MYOM2: variants seen among roughly 807,000 people sequenced by gnomAD.
The protein encoded by MYOM2 is myomesin-2.
In MYOM2, 254 loss-of-function variants were observed where a neutral mutation model predicts 187.6. The observed-to-expected ratio is 1.35, with a 90% CI of 1.22 to 1.50. The LOEUF (loss-of-function observed/expected upper bound fraction) is 1.50. Among genes scored for constraint, MYOM2 ranks in the 40% most tolerant of loss-of-function variants. The pLI is 0.00. For synonymous variants in MYOM2, 981 were observed against 753.8 expected (o/e 1.30, Z -4.94); for missense variants, 2,796 against 1,924.0 (o/e 1.45, Z -8.48).
intron 6 of MYOM2, among the ~76,000 whole-genome samples, chr8:2,066,085 T>C (rs1819010221): frequency 6.6e-6 from 1 of 152,178 alleles, no homozygotes; most frequent in Admixed American, 6.5e-5. Flanking sequence ...CGTTCACCCT[T>C]CCTCACTGAG....
chr8:2,110,650 T>C (rs1309076953), intron 25 of MYOM2, among the ~76,000 whole-genome samples: 1 of 152,106 alleles, frequency 6.6e-6, no homozygotes, highest in Non-Finnish European at 1.5e-5. Flanking sequence ...CTTAGCTGTG[T>C]ACTAAGTCCT....
At chr8:2,078,621 C>G (rs376993376) in intron 11 of MYOM2, 113 bp from the exon 12 acceptor site, 2 of 930,852 alleles carry the variant, frequency 2.1e-6, no homozygotes, top group Admixed American at 2.1e-5. Flanking sequence ...ATTTTACTGG[C>G]GTGAGATATT....
rs563302887 is a variant in MYOM2, at chr8:2,091,609, C to G, written c.1829-737C>G. ...TGAGAAAGCCAGATACGGAAATGAACAAGGTCACGAGGCCGGCTGCCTCCA... is the reference window on the plus strand; with the variant it reads ...TGAGAAAGCCAGATACGGAAATGAAGAAGGTCACGAGGCCGGCTGCCTCCA... On this transcript the variant is annotated intron_variant, in intron 15 of 36. Transcript: ENST00000262113. Among the ~76,000 whole-genome samples, 1,368 of 152,272 alleles carry G rather than the reference C, an allele frequency of 9.0e-3. 10 individuals are homozygous for G. Among genetic ancestry groups the G allele is most frequent in the Non-Finnish European group, 0.014 (934 of 68,006 alleles).
chr8:2,057,336 C>T lies in MYOM2; in HGVS notation c.264-12C>T, dbSNP rs376598342. On this transcript the variant is annotated splice_polypyrimidine_tract_variant and intron_variant, in intron 3 of 36. Transcript: ENST00000262113. ...GACTCCTGCAACTGAGGCTGCTTCT[C>T]GGCTCCTGCAGGTACCAGTCCCTGG... 47 of 1,587,756 alleles carry T rather than the reference C, an allele frequency of 3.0e-5. No individual in the cohort carries two copies. Among genetic ancestry groups the T allele is most frequent in the African/African-American group, 9.5e-5 (7 of 73,778 alleles).
intron 25 of MYOM2, among the ~76,000 whole-genome samples, chr8:2,111,954 G>A (rs972521306): frequency 6.6e-6 from 1 of 152,162 alleles, no homozygotes; most frequent in Non-Finnish European, 1.5e-5. Context: ...TGATTTTTGT[G>A]TTTATGGGAA....
chr8:2,136,721 T>C (rs1302463278), intron 32 of MYOM2, among the ~76,000 whole-genome samples: 1 of 152,216 alleles, frequency 6.6e-6, no homozygotes, highest in Non-Finnish European at 1.5e-5. Flanking sequence ...AGCTATTTTA[T>C]GAATGATCGC....
chr8:2,070,611 C>T (rs1347628656), intron 8 of MYOM2, among the ~76,000 whole-genome samples: 6 of 137,264 alleles, frequency 4.4e-5, no homozygotes, highest in Non-Finnish European at 1.0e-4. Flanking sequence ...CTGGTCCCAT[C>T]CCGGGGTTTC....
chr8:2,106,366 T>G lies in MYOM2; in HGVS notation c.2859T>G (p.Asp953Glu). Reference protein sequence around the residue: ...WCKSYEEISDDERFKIETVGD... With the variant: ...WCKSYEEISDEERFKIETVGD... ...AATCCTACGAGGAGATTTCAGATGA[T>G]GAGAGGTTTAAAATTGAAACCGTGG... is the stretch of plus-strand genomic sequence containing the variant. The change falls in exon 22 of 37, where the codon GAT becomes GAG. Residue 953 changes from aspartate to glutamate, a missense_variant. Transcript: ENST00000262113. 6.2e-7 allele frequency: 1 copy of G among 1,614,148 alleles called. No individual in the cohort carries two copies. The highest frequency in any genetic ancestry group is 8.5e-7 in the Non-Finnish European group (1 of 1,180,010).
At chr8:2,073,782 G>T (rs1436766356) in intron 10 of MYOM2, among the ~76,000 whole-genome samples, 1 of 152,196 alleles carries the variant, frequency 6.6e-6, no homozygotes, top group Non-Finnish European at 1.5e-5. Flanking sequence ...TTTGAAAAAC[G>T]ATTCCCAAGA....
At position 2,098,855 on chromosome 8, in the gene MYOM2, A is replaced by G. The variant is rs1286136589; in HGVS notation, c.2314-2A>G. On this transcript the variant is annotated splice_acceptor_variant, in intron 18 of 36. Coordinates refer to ENST00000262113, the MANE Select transcript of MYOM2 (RefSeq NM_003970.4). LOFTEE classifies it high-confidence loss of function. Reference sequence around the variant, plus strand: ...GTATTAATTTAAACAAAATCTGAATAGGTGGACGGCTTGACGGAAGGCTCA... The same window carrying G: ...GTATTAATTTAAACAAAATCTGAATGGGTGGACGGCTTGACGGAAGGCTCA... 1 of 1,608,572 alleles carries G rather than the reference A, an allele frequency of 6.2e-7. No homozygotes were observed. Among genetic ancestry groups the G allele is most frequent in the Non-Finnish European group, 8.5e-7 (1 of 1,175,988 alleles).
intron 11 of MYOM2, chr8:2,076,497 T>C: frequency 1.6e-6 from 1 of 609,084 alleles, no homozygotes; most frequent in Non-Finnish European, 2.7e-6. Context: ...GGTTTCTTTT[T>C]GTTGAAAGTG....
At chr8:2,140,369 G>A (rs1296624439) in intron 32 of MYOM2, among the ~76,000 whole-genome samples, 3 of 107,634 alleles carry the variant, frequency 2.8e-5, no homozygotes, top group Non-Finnish European at 3.8e-5. Context: ...CCAAGACCCC[G>A]TGTCCAATTC....
At chr8:2,109,115 T>C (rs1796984904) in intron 24 of MYOM2, among the ~76,000 whole-genome samples, 1 of 152,228 alleles carries the variant, frequency 6.6e-6, no homozygotes, top group South Asian at 2.1e-4. Flanking sequence ...TGAAATCTTC[T>C]GTTATTGAAT....
chr8:2,059,850 C>T (rs548089298), intron 6 of MYOM2, among the ~76,000 whole-genome samples: 2 of 150,658 alleles, frequency 1.3e-5, no homozygotes, highest in South Asian at 4.2e-4. Context: ...TCAAGCGATT[C>T]TCCTGCCTCA....
intron 10 of MYOM2, among the ~76,000 whole-genome samples, chr8:2,073,973 C>T (rs1168551828): frequency 6.6e-6 from 1 of 152,134 alleles, no homozygotes; most frequent in Non-Finnish European, 1.5e-5. Context: ...CCTCCACCAC[C>T]CACTTCAGTG....
intron 36 of MYOM2, 43 bp downstream of exon 36, chr8:2,143,499 T>G (rs756742078): frequency 4.3e-6 from 7 of 1,610,704 alleles, no homozygotes; most frequent in Non-Finnish European, 5.9e-6. Context: ...GTCAGCACGG[T>G]GCGATGGACG....
At chr8:2,064,095 GAC>G (rs1818934449) in intron 6 of MYOM2, among the ~76,000 whole-genome samples, 1 of 152,198 alleles carries the variant, frequency 6.6e-6, no homozygotes, top group Non-Finnish European at 1.5e-5. Context: ...ATCCCAAGTG[GAC>G]ACAGGCTAAG....
intron 6 of MYOM2, among the ~76,000 whole-genome samples, chr8:2,062,838 A>G (rs1208725700): frequency 1.3e-5 from 2 of 152,180 alleles, no homozygotes; most frequent in African/African-American, 2.4e-5. Flanking sequence ...ATTGTTTTAA[A>G]AAGAAAAGAA....
intron 17 of MYOM2, among the ~76,000 whole-genome samples, chr8:2,095,288 ACTTT>A (rs1435043239): frequency 7.0e-6 from 1 of 143,228 alleles, no homozygotes; most frequent in Non-Finnish European, 1.5e-5. Context: ...AAGGAAAACC[ACTTT>A]CTTTTTTTTT....
Sources: allele counts gnomAD v4.1 joint callset (sites outside exome capture counted in the v4.1 genomes callset), GRCh38; gene constraint gnomAD v4.1.1; transcripts MANE v1.5; gene names NCBI Gene and HGNC (gene_info 2026-07-23, HGNC 2026-07-21).